The following ZCCHC24 variants were observed in gnomAD, a reference collection of about 807,000 sequenced individuals.
The protein encoded by ZCCHC24 is zinc finger CCHC-type containing 24.
A neutral mutation model predicts 26.2 loss-of-function variants in ZCCHC24; 10 were observed. That is an observed-to-expected ratio of 0.38 (90% confidence interval 0.24 to 0.65). ZCCHC24 has a LOEUF of 0.65. Among genes scored for constraint, ZCCHC24 ranks in the 30% least tolerant of loss-of-function variants. The probability of loss-of-function intolerance (pLI) is 0.54; values close to 1 mark genes in which losing one functional copy is unlikely to be tolerated. For synonymous variants in ZCCHC24, 144 were observed against 147.1 expected, an observed-to-expected ratio of 0.98 and a Z score of 0.15; for missense variants, 243 against 329.1, an observed-to-expected ratio of 0.74 and a Z score of 2.03.
chr10:79,432,406 C>A, intron 2 of ZCCHC24, 152 bp downstream of exon 2: 1 of 806,000 alleles, frequency 1.2e-6, no homozygotes, highest in Non-Finnish European at 1.8e-6. Flanking sequence ...GAAATCCCAG[C>A]AGGGACAAAA....
At chr10:79,441,460 C>T (rs868442582) in intron 1 of ZCCHC24, among the ~76,000 whole-genome samples, 15 of 152,104 alleles carry the variant, frequency 9.9e-5, no homozygotes, top group African/African-American at 3.6e-4. Flanking sequence ...AGAGGAGGTT[C>T]ATTGCTGCAG....
intron 2 of ZCCHC24, among the ~76,000 whole-genome samples, chr10:79,416,895 A>G (rs1856869239): frequency 6.6e-6 from 1 of 152,166 alleles, no homozygotes; most frequent in Non-Finnish European, 1.5e-5. Flanking sequence ...CCCGGAACAC[A>G]GTGAGCGCTC....
rs1323947377 is a variant in ZCCHC24, at chr10:79,383,409, C to G, written c.*2936G>C. On this transcript the variant is annotated 3_prime_UTR_variant, in exon 4 of 4. Coordinates refer to ENST00000372336, the MANE Select transcript of ZCCHC24 (RefSeq NM_153367.4). ...AGTTGCATATTTTTACAGACCAAAGCATAGTAAAAAACAAACAAAAACCAA... is the reference window on the plus strand; with the variant it reads ...AGTTGCATATTTTTACAGACCAAAGGATAGTAAAAAACAAACAAAAACCAA... 6.6e-6 allele frequency: 1 copy of G among 152,394 alleles called. No individual in the cohort carries two copies. The highest frequency in any genetic ancestry group is 1.5e-5 in the Non-Finnish European group (1 of 68,004). 9.4% of individuals were successfully genotyped at this position (152,394 alleles called of 1,614,324 possible).
chr10:79,415,741 C>T (rs1311703743), intron 2 of ZCCHC24, among the ~76,000 whole-genome samples: 4 of 152,170 alleles, frequency 2.6e-5, no homozygotes, highest in Admixed American at 1.3e-4. Context: ...CTGTTAGAGC[C>T]TCTGCCCAAC....
intron 2 of ZCCHC24, among the ~76,000 whole-genome samples, chr10:79,402,359 T>C (rs1421891949): frequency 2.0e-5 from 3 of 152,114 alleles, no homozygotes; most frequent in African/African-American, 7.2e-5. Flanking sequence ...CACTGCAAGC[T>C]CCACCTCCCA....
intron 2 of ZCCHC24, among the ~76,000 whole-genome samples, chr10:79,418,415 T>C (rs10824756): frequency 0.39 from 59,596 of 152,030 alleles, 12,294 homozygotes; most frequent in Middle Eastern, 0.53. Context: ...TCCCTCTGCC[T>C]GCCAGGCAGA....
intron 1 of ZCCHC24, among the ~76,000 whole-genome samples, chr10:79,436,894 C>T (rs1857224080): frequency 6.6e-6 from 1 of 152,206 alleles, no homozygotes; most frequent in African/African-American, 2.4e-5. Context: ...CTCTTTCCTC[C>T]CTAGGTCAGT....
At chr10:79,410,747 G>T (rs569629936) in intron 2 of ZCCHC24, among the ~76,000 whole-genome samples, 1 of 142,848 alleles carries the variant, frequency 7.0e-6, no homozygotes, top group Admixed American at 7.2e-5. Context: ...GACATGGGGG[G>T]ACCAGTTAGG....
chr10:79,404,471 CAA>C (rs1260938121), intron 2 of ZCCHC24, among the ~76,000 whole-genome samples: 1 of 152,108 alleles, frequency 6.6e-6, no homozygotes, highest in African/African-American at 2.4e-5. Flanking sequence ...ACAGGGATTG[CAA>C]AAGACAGAGG....
chr10:79,434,876 C>T lies in ZCCHC24; in HGVS notation c.247-2118G>A, dbSNP rs535527877. 3.3e-5 allele frequency among the ~76,000 whole-genome samples: 5 copies of T among 151,566 alleles called. No homozygotes were observed. In the East Asian group the frequency reaches 5.8e-4, roughly 18 times the overall value. On this transcript the variant is annotated intron_variant, in intron 1 of 3. Coordinates refer to ENST00000372336, the MANE Select transcript of ZCCHC24 (RefSeq NM_153367.4). ...TCTTCTCAAACTGAAACTCCATGCCCGTGAAACAACAACGCCCCCGCCTAC... is the reference window on the plus strand; with the variant it reads ...TCTTCTCAAACTGAAACTCCATGCCTGTGAAACAACAACGCCCCCGCCTAC...
intron 2 of ZCCHC24, among the ~76,000 whole-genome samples, chr10:79,428,935 T>TAA (rs35486237): frequency 5.3e-5 from 8 of 150,696 alleles, no homozygotes; most frequent in African/African-American, 7.3e-5. Context: ...CAAAAAGAAA[T>TAA]AAAAAAAAAT....
intron 1 of ZCCHC24, among the ~76,000 whole-genome samples, chr10:79,440,849 AGAAGGTCCAC>A (rs1399863726): frequency 6.6e-6 from 1 of 152,102 alleles, no homozygotes; most frequent in Non-Finnish European, 1.5e-5. Flanking sequence ...CACCTGACTC[AGAAGGTCCAC>A]GAGGTGTGGT....
At chr10:79,409,167 C>T (rs1312893886) in intron 2 of ZCCHC24, 2 of 152,248 alleles carry the variant, frequency 1.3e-5, no homozygotes, top group African/African-American at 4.8e-5. Context: ...AGCACACAGG[C>T]TTGAGAAGTG....
At chr10:79,426,302 C>A (rs1429286706) in intron 2 of ZCCHC24, among the ~76,000 whole-genome samples, 1 of 152,194 alleles carries the variant, frequency 6.6e-6, no homozygotes, top group African/African-American at 2.4e-5. Context: ...GTGTTCTGCA[C>A]ATTTTACTCC....
intron 2 of ZCCHC24, among the ~76,000 whole-genome samples, chr10:79,395,236 A>G (rs1366462410): frequency 2.0e-5 from 3 of 151,878 alleles, no homozygotes; most frequent in South Asian, 2.1e-4. Flanking sequence ...TGAATAATAC[A>G]TCTTAGAGTT....
chr10:79,410,917 C>T (rs1338619942), intron 2 of ZCCHC24, among the ~76,000 whole-genome samples: 2 of 152,174 alleles, frequency 1.3e-5, no homozygotes, highest in South Asian at 4.2e-4. Context: ...GAGCAACTCC[C>T]AGGTGTGTGG....
intron 1 of ZCCHC24, among the ~76,000 whole-genome samples, chr10:79,441,161 C>G (rs2132226074): frequency 6.6e-6 from 1 of 152,104 alleles, no homozygotes; most frequent in Non-Finnish European, 1.5e-5. Flanking sequence ...TAAGCCCACT[C>G]TCGAACATAG....
chr10:79,406,131 A>C (rs1428634403), intron 2 of ZCCHC24, among the ~76,000 whole-genome samples: 1 of 152,222 alleles, frequency 6.6e-6, no homozygotes, highest in African/African-American at 2.4e-5. Context: ...CCACGCACAC[A>C]ACCTGTAGGT....
intron 2 of ZCCHC24, among the ~76,000 whole-genome samples, chr10:79,401,424 T>C (rs892408205): frequency 2.6e-5 from 4 of 152,222 alleles, no homozygotes; most frequent in African/African-American, 9.6e-5. Flanking sequence ...CGCTGACGCA[T>C]GTAGAGGTTA....
Sources: allele counts gnomAD v4.1 joint callset (sites outside exome capture counted in the v4.1 genomes callset), GRCh38; gene constraint gnomAD v4.1.1; transcripts MANE v1.5; gene names NCBI Gene and HGNC (gene_info 2026-07-23, HGNC 2026-07-21).